SGCZ: variants seen among roughly 807,000 people sequenced by gnomAD.
The protein encoded by SGCZ is sarcoglycan zeta, also known as zeta-sarcoglycan.
A neutral mutation model predicts 41.3 loss-of-function variants in SGCZ; 40 were observed. That is an observed-to-expected ratio of 0.97 (90% CI 0.75 to 1.26). The LOEUF is 1.26. Ranked by LOEUF, SGCZ falls within the 50% of genes most tolerant of loss-of-function variation. The pLI is 0.00. For missense variants in SGCZ, 552 were observed against 369.8 expected, an observed-to-expected ratio of 1.49 and a Z score of -4.04; for synonymous variants, 206 against 137.5, an observed-to-expected ratio of 1.50 and a Z score of -3.49.
At chr8:14,659,663 G>A (rs953880874) in intron 1 of SGCZ, among the ~76,000 whole-genome samples, 3 of 152,022 alleles carry the variant, frequency 2.0e-5, no homozygotes, top group East Asian at 1.9e-4. Flanking sequence ...TTTATCTATG[G>A]CTTTTGGTGA....
At chr8:14,696,899 G>C (rs1483044249) in intron 1 of SGCZ, among the ~76,000 whole-genome samples, 1 of 151,310 alleles carries the variant, frequency 6.6e-6, no homozygotes, top group African/African-American at 2.5e-5. Context: ...GGCAAGAAGA[G>C]GCGAAATATG....
At chr8:14,477,890 A>G (rs1385125888) in intron 2 of SGCZ, among the ~76,000 whole-genome samples, 6 of 152,318 alleles carry the variant, frequency 3.9e-5, no homozygotes, top group East Asian at 1.9e-4. Context: ...CTCAATATAC[A>G]GTTAACTTTT....
At chr8:14,711,658 G>A (rs536811395) in intron 1 of SGCZ, among the ~76,000 whole-genome samples, 4 of 149,406 alleles carry the variant, frequency 2.7e-5, no homozygotes, top group African/African-American at 9.8e-5. Context: ...AAATGCTAGT[G>A]GAAAAGGATA....
chr8:15,069,593 T>C (rs1390013215), intron 1 of SGCZ, among the ~76,000 whole-genome samples: 1 of 152,228 alleles, frequency 6.6e-6, no homozygotes, highest in Non-Finnish European at 1.5e-5. Context: ...TTCCCCACTT[T>C]TAATTCACTC....
intron 2 of SGCZ, among the ~76,000 whole-genome samples, chr8:14,333,203 A>C (rs1370027737): frequency 6.6e-6 from 1 of 152,130 alleles, no homozygotes; most frequent in African/African-American, 2.4e-5. Flanking sequence ...CTGGGAACCA[A>C]ATCAGTGGTT....
intron 1 of SGCZ, among the ~76,000 whole-genome samples, chr8:14,625,859 A>G (rs1282517503): frequency 6.6e-6 from 1 of 152,202 alleles, no homozygotes; most frequent in Non-Finnish European, 1.5e-5. Flanking sequence ...TAAAAGCAGC[A>G]GAATTACCAT....
intron 1 of SGCZ, among the ~76,000 whole-genome samples, chr8:15,002,920 G>C (rs1802479572): frequency 6.6e-6 from 1 of 152,038 alleles, no homozygotes; most frequent in African/African-American, 2.4e-5. Flanking sequence ...GGTCTTTCTT[G>C]TGATGTTTCC....
chr8:14,340,875 C>G (rs949965272), intron 2 of SGCZ, among the ~76,000 whole-genome samples: 2 of 152,064 alleles, frequency 1.3e-5, no homozygotes, highest in African/African-American at 4.8e-5. Flanking sequence ...ACCATCATCA[C>G]TCTCCATCTT....
chr8:14,478,828 C>A lies in SGCZ; in HGVS notation c.234+75904G>T, dbSNP rs143312489. On this transcript the variant is annotated intron_variant, in intron 2 of 7. Transcript: ENST00000382080. The stretch of plus-strand genomic sequence containing the variant: ...TACTTCCCATTTTCACTCTTGTTGA[C>A]GAGTTTATTTTCTGTTTCACTTGTA... Among the ~76,000 whole-genome samples the A allele has an allele frequency of 2.2e-3, 341 of 152,210 alleles. 1 individual carries two copies. Among genetic ancestry groups the A allele is most frequent in the Non-Finnish European group, 3.7e-3 (252 of 68,006 alleles).
chr8:14,835,537 C>A (rs183565592), intron 1 of SGCZ, among the ~76,000 whole-genome samples: 1 of 152,298 alleles, frequency 6.6e-6, no homozygotes, highest in East Asian at 1.9e-4. Flanking sequence ...TCTCTCCAAC[C>A]TTGACACACC....
At chr8:15,018,813 G>T (rs1332393650) in intron 1 of SGCZ, among the ~76,000 whole-genome samples, 2 of 152,176 alleles carry the variant, frequency 1.3e-5, no homozygotes, top group Admixed American at 1.3e-4. Context: ...AAGTTTAATT[G>T]GCTCATGCTT....
chr8:15,086,842 C>A (rs1318331630), intron 1 of SGCZ, among the ~76,000 whole-genome samples: 1 of 151,980 alleles, frequency 6.6e-6, no homozygotes, highest in East Asian at 1.9e-4. Flanking sequence ...ATTTTTCCAG[C>A]CAGGTGGAAA....
chr8:15,166,034 C>A (rs191860082), intron 1 of SGCZ, among the ~76,000 whole-genome samples: 10 of 152,284 alleles, frequency 6.6e-5, no homozygotes, highest in Admixed American at 3.9e-4. Context: ...AATCTGGATT[C>A]TATTTCATAA....
At chr8:14,149,181 G>T (rs968305816) in intron 5 of SGCZ, among the ~76,000 whole-genome samples, 2 of 152,088 alleles carry the variant, frequency 1.3e-5, no homozygotes, top group African/African-American at 2.4e-5. Flanking sequence ...GGAAGTACTA[G>T]CTAGAGCCAT....
intron 3 of SGCZ, among the ~76,000 whole-genome samples, chr8:14,246,969 T>G (rs1180075571): frequency 6.7e-6 from 1 of 149,874 alleles, no homozygotes; most frequent in Non-Finnish European, 1.5e-5. Context: ...TCCTTCAGAA[T>G]GCAAATCATC....
intron 2 of SGCZ, among the ~76,000 whole-genome samples, chr8:14,387,913 A>G (rs1804632373): frequency 6.6e-6 from 1 of 152,090 alleles, no homozygotes; most frequent in Admixed American, 6.5e-5. Context: ...TGAGGATAGA[A>G]GAGAGAGAAG....
chr8:14,747,604 C>T (rs894431495), intron 1 of SGCZ, among the ~76,000 whole-genome samples: 12 of 151,134 alleles, frequency 7.9e-5, no homozygotes, highest in Non-Finnish European at 1.5e-4. Context: ...CAGATGAAAA[C>T]CATTAAAATG....
intron 3 of SGCZ, among the ~76,000 whole-genome samples, chr8:14,270,738 A>G (rs1379084925): frequency 6.6e-6 from 1 of 152,192 alleles, no homozygotes; most frequent in Non-Finnish European, 1.5e-5. Context: ...ATCATTTCTT[A>G]TGAAACTGCG....
rs1251787357 is a variant in SGCZ, at chr8:14,775,112, G to A, written c.40-220186C>T. Among the ~76,000 whole-genome samples the A allele has an allele frequency of 5.3e-5, 8 of 152,230 alleles. No homozygotes were observed. The South Asian group carries it at 1.5e-3, about 28-fold the overall frequency. On this transcript the variant is annotated intron_variant, in intron 1 of 7. Coordinates refer to ENST00000382080, the MANE Select transcript of SGCZ (RefSeq NM_139167.4). ...TAAACAAATGTACAAAAAGGGTGATGGATCTTGGCTAGTTACAACTTCAGC... is the reference window on the plus strand; with the variant it reads ...TAAACAAATGTACAAAAAGGGTGATAGATCTTGGCTAGTTACAACTTCAGC...
Sources: allele counts gnomAD v4.1 joint callset (sites outside exome capture counted in the v4.1 genomes callset), GRCh38; gene constraint gnomAD v4.1.1; transcripts MANE v1.5; gene names NCBI Gene and HGNC (gene_info 2026-07-23, HGNC 2026-07-21).